The following GSS variants were observed in gnomAD, a reference collection of about 807,000 sequenced individuals.
GSS encodes GSH synthetase.
A neutral mutation model predicts 60.4 loss-of-function variants in GSS; 34 were observed. The ratio of observed to expected loss-of-function variants is 0.56; its 90% confidence interval spans 0.43 to 0.75. The LOEUF is 0.75. GSS is among the 30% of genes least tolerant of loss of function. The pLI is 0.00. For missense variants in GSS, 499 were observed against 595.1 expected (o/e 0.84, Z 1.68); for synonymous variants, 224 against 239.0 (o/e 0.94, Z 0.58).
At position 34,942,470 on chromosome 20, in the gene GSS, G is replaced by C. The variant is rs200511586; in HGVS notation, c.491+18C>G. Reference sequence around the variant, plus strand: ...ATGTCACCCCACAGGTATGCCGGGGGCTGCCCAGGGGACCCACCGGTGCAC... The same window carrying C: ...ATGTCACCCCACAGGTATGCCGGGGCCTGCCCAGGGGACCCACCGGTGCAC... On this transcript the variant is annotated intron_variant, in intron 5 of 12. Transcript: ENST00000651619. 8.4e-5 allele frequency: 136 copies of C among 1,610,244 alleles called. No individual in the cohort carries two copies. In the African/African-American group the frequency reaches 1.6e-3, roughly 19 times the overall value.
In GSS at chr20:34,928,911, G is replaced by A. The variant is rs2147119501; in HGVS notation, c.1342C>T (p.Leu448=). ...TLVMNKHVGH[L]LRTKAIEHAD... ...TGCTCGATGGCTTTGGTTCGAAGTA[G>A]ATGCCCCACGTGCTTGTTCATCACG... Residue 448 remains leucine, a synonymous_variant, in exon 13 of 13, where the codon CTA becomes TTA. Transcript: ENST00000651619. 2 of 1,613,816 alleles carry A rather than the reference G, an allele frequency of 1.2e-6. No individual in the cohort carries two copies. Among genetic ancestry groups the A allele is most frequent in the East Asian group, 4.5e-5 (2 of 44,880 alleles).
At chr20:34,951,578 T>C (rs2147136700) in intron 2 of GSS, 146 bp downstream of exon 2, 1 of 903,916 alleles carries the variant, frequency 1.1e-6, no homozygotes, top group Non-Finnish European at 1.7e-6. Context: ...TGCCTTTTTA[T>C]TTTCTACTTC....
chr20:34,942,874 A>G, intron 4 of GSS, 57 bp downstream of exon 4: 8 of 1,287,582 alleles, frequency 6.2e-6, no homozygotes, highest in Non-Finnish European at 8.9e-6. Flanking sequence ...CAAAACAGAA[A>G]ACAAACAGAG....
chr20:34,951,865 A>C lies in GSS; in HGVS notation c.-8-5T>G, dbSNP rs748488322. ...AGTTGGTGGCCATCCCAACACCTGC[A>C]AAAGATGGAGAGAAGAGAGTTGGTA... On this transcript the variant is annotated splice_region_variant and splice_polypyrimidine_tract_variant and intron_variant, in intron 1 of 12. Coordinates refer to ENST00000651619, the MANE Select transcript of GSS (RefSeq NM_000178.4). The C allele has an allele frequency of 6.2e-7, 1 of 1,613,860 alleles. No homozygotes were observed. Among genetic ancestry groups the C allele is most frequent in the Non-Finnish European group, 8.5e-7 (1 of 1,180,006 alleles).
In GSS at chr20:34,928,639, T is replaced by A; in HGVS notation, c.*189A>T. 1 of 672,414 alleles carries A rather than the reference T, an allele frequency of 1.5e-6. No homozygotes were observed. The highest frequency in any genetic ancestry group is 1.7e-5 in the South Asian group (1 of 59,584). 41.7% of individuals were successfully genotyped at this position (672,414 alleles called of 1,614,324 possible). On this transcript the variant is annotated 3_prime_UTR_variant, in exon 13 of 13. Coordinates refer to ENST00000651619, the MANE Select transcript of GSS (RefSeq NM_000178.4). Reference sequence around the variant, plus strand: ...TGAGCTATACCCACATCTCAAGGATTTGGGGGCGTCTAGATCTCATCTAAG... The same window carrying A: ...TGAGCTATACCCACATCTCAAGGATATGGGGGCGTCTAGATCTCATCTAAG...
chr20:34,945,318 C>T (rs2081512174), intron 3 of GSS, among the ~76,000 whole-genome samples: 1 of 151,034 alleles, frequency 6.6e-6, no homozygotes, highest in South Asian at 2.1e-4. Context: ...CCACCGCGCC[C>T]AGCCTATATA....
intron 1 of GSS, chr20:34,955,437 CA>C (rs1190682422): frequency 6.6e-6 from 1 of 152,266 alleles, no homozygotes; most frequent in East Asian, 1.9e-4. Context: ...CCACCCTGGA[CA>C]AAGTTTGGCC....
intron 8 of GSS, 47 bp downstream of exon 8, chr20:34,936,716 A>C: frequency 4.8e-6 from 6 of 1,255,850 alleles, no homozygotes; most frequent in Non-Finnish European, 7.0e-6. Flanking sequence ...GGGTGGCAGG[A>C]TGAGTTTCAT....
intron 11 of GSS, 120 bp downstream of exon 11, chr20:34,931,216 T>C (rs1470609771): frequency 6.2e-6 from 5 of 811,816 alleles, no homozygotes; most frequent in Non-Finnish European, 1.1e-5. Flanking sequence ...ATGTGGCCTG[T>C]GTCAGTTCCA....
chr20:34,948,254 T>C (rs2081538391), intron 2 of GSS, among the ~76,000 whole-genome samples: 1 of 152,206 alleles, frequency 6.6e-6, no homozygotes, highest in Non-Finnish European at 1.5e-5. Context: ...AGTAGCTATG[T>C]GATGACTACA....
At chr20:34,944,739 G>A (rs1183377602) in intron 3 of GSS, among the ~76,000 whole-genome samples, 1 of 152,154 alleles carries the variant, frequency 6.6e-6, no homozygotes, top group Non-Finnish European at 1.5e-5. Context: ...CTCATAGCCT[G>A]AAGATTATTT....
At chr20:34,950,328 G>A (rs768692283) in intron 2 of GSS, among the ~76,000 whole-genome samples, 2 of 152,112 alleles carry the variant, frequency 1.3e-5, no homozygotes, top group African/African-American at 4.8e-5. Flanking sequence ...CAATTACTGA[G>A]TGTGGACTCC....
intron 6 of GSS, among the ~76,000 whole-genome samples, chr20:34,938,379 A>G (rs1600383215): frequency 3.3e-5 from 5 of 152,320 alleles, no homozygotes; most frequent in Admixed American, 3.3e-4. Context: ...TATAGGTCTT[A>G]GTAAGTCCCC....
intron 9 of GSS, among the ~76,000 whole-genome samples, chr20:34,934,555 G>T (rs923548426): frequency 2.2e-4 from 33 of 152,112 alleles, no homozygotes; most frequent in African/African-American, 7.2e-4. Flanking sequence ...GGGATTATAG[G>T]CGTGAACCAC....
At chr20:34,946,182 C>G (rs2081521475) in intron 2 of GSS, 84 bp from the exon 3 acceptor site, 5 of 1,219,326 alleles carry the variant, frequency 4.1e-6, no homozygotes, top group African/African-American at 1.5e-5. Flanking sequence ...CATGGAAAGT[C>G]TGGCCTATAT....
intron 2 of GSS, among the ~76,000 whole-genome samples, chr20:34,950,833 A>G (rs2081563176): frequency 6.6e-6 from 1 of 152,272 alleles, no homozygotes; most frequent in Non-Finnish European, 1.5e-5. Context: ...ACAAGAAACC[A>G]AAACACAAGC....
At chr20:34,939,960 G>A (rs1335657113) in intron 6 of GSS, among the ~76,000 whole-genome samples, 1 of 152,100 alleles carries the variant, frequency 6.6e-6, no homozygotes, top group Non-Finnish European at 1.5e-5. Context: ...GTGAGCCACT[G>A]CACCCGGCCT....
intron 9 of GSS, among the ~76,000 whole-genome samples, chr20:34,933,052 C>T (rs1239990276): frequency 6.6e-6 from 1 of 152,036 alleles, no homozygotes; most frequent in African/African-American, 2.4e-5. Flanking sequence ...TGCCATGTTG[C>T]CCAGGCTGGT....
chr20:34,951,609 T>A (rs1216353191), intron 2 of GSS, 115 bp downstream of exon 2: 4 of 1,175,038 alleles, frequency 3.4e-6, no homozygotes, highest in Non-Finnish European at 2.4e-6. Flanking sequence ...TTTTAGTTAC[T>A]GGAAAAAATA....
Sources: gnomAD v4.1 joint callset for allele counts (sites outside exome capture counted in the v4.1 genomes callset) on GRCh38, gnomAD v4.1.1 for gene constraint, MANE v1.5 for transcripts, NCBI Gene and HGNC (gene_info 2026-07-23, HGNC 2026-07-21) for gene names.